RORA: variants seen among roughly 807,000 people sequenced by gnomAD.
The protein encoded by RORA is nuclear receptor ROR-alpha.
A neutral mutation model predicts 69.5 loss-of-function variants in RORA; 7 were observed. That is an observed-to-expected ratio of 0.10 (90% confidence interval 0.06 to 0.19). The LOEUF is 0.19. Among genes scored for constraint, RORA ranks in the 10% least tolerant of loss-of-function variants. The probability of loss-of-function intolerance (pLI) is 1.00; values close to 1 mark genes in which losing one functional copy is unlikely to be tolerated. For missense variants in RORA, 457 were observed against 663.0 expected (o/e 0.69, Z 3.41); for synonymous variants, 261 against 240.8 (o/e 1.08, Z -0.78).
intron 1 of RORA, among the ~76,000 whole-genome samples, chr15:60,697,886 C>G (rs568648378): frequency 6.6e-6 from 1 of 152,142 alleles, no homozygotes; most frequent in African/African-American, 2.4e-5. Context: ...CAGAGTTATA[C>G]CTCTCAGTCA....
At chr15:60,707,834 T>A (rs7180727) in intron 1 of RORA, among the ~76,000 whole-genome samples, 7 of 152,176 alleles carry the variant, frequency 4.6e-5, no homozygotes, top group Non-Finnish European at 1.0e-4. Flanking sequence ...TCCTCCAGCC[T>A]GGAATATCAC....
At chr15:60,814,688 T>A (rs1304175331) in intron 1 of RORA, among the ~76,000 whole-genome samples, 2 of 152,196 alleles carry the variant, frequency 1.3e-5, no homozygotes, top group Non-Finnish European at 2.9e-5. Context: ...GTGGCCTCTC[T>A]GTCCTTCCAT....
intron 1 of RORA, among the ~76,000 whole-genome samples, chr15:61,031,539 T>A (rs1456206536): frequency 6.6e-6 from 1 of 152,198 alleles, no homozygotes; most frequent in African/African-American, 2.4e-5. Context: ...TAGACATACA[T>A]GTATGAAGTA....
intron 1 of RORA, among the ~76,000 whole-genome samples, chr15:60,713,484 G>C (rs2071173143): frequency 6.6e-6 from 1 of 152,178 alleles, no homozygotes; most frequent in Non-Finnish European, 1.5e-5. Flanking sequence ...TTGTGAAACT[G>C]AGACTGAACA....
At chr15:60,964,336 T>C (rs1893491606) in intron 1 of RORA, among the ~76,000 whole-genome samples, 1 of 152,140 alleles carries the variant, frequency 6.6e-6, no homozygotes, top group African/African-American at 2.4e-5. Context: ...GAAGCAGAGA[T>C]CCCAGTTTGA....
At chr15:60,517,957 C>A (rs1166846524) in intron 3 of RORA, among the ~76,000 whole-genome samples, 1 of 152,172 alleles carries the variant, frequency 6.6e-6, no homozygotes, top group East Asian at 1.9e-4. Flanking sequence ...GCATCTGTCA[C>A]CTTTCTTTCT....
intron 2 of RORA, among the ~76,000 whole-genome samples, chr15:60,658,747 G>T (rs1411248905): frequency 6.6e-6 from 1 of 152,224 alleles, no homozygotes; most frequent in Non-Finnish European, 1.5e-5. Context: ...AGGTAAGTCT[G>T]TGCTTAAAGA....
chr15:60,816,630 T>A (rs990041744), intron 1 of RORA, among the ~76,000 whole-genome samples: 1 of 150,848 alleles, frequency 6.6e-6, no homozygotes, highest in African/African-American at 2.4e-5. Context: ...ATATTTTATA[T>A]GTTAAATGAT....
intron 2 of RORA, chr15:60,592,308 A>G (rs922678400): frequency 3.5e-5 from 36 of 1,031,276 alleles, no homozygotes; most frequent in Non-Finnish European, 4.3e-5. Flanking sequence ...AGGCGCGCCC[A>G]CCCCTCCCCC....
At chr15:60,955,720 G>C (rs888706042) in intron 1 of RORA, among the ~76,000 whole-genome samples, 14 of 152,192 alleles carry the variant, frequency 9.2e-5, no homozygotes, top group African/African-American at 3.4e-4. Context: ...CTCTATTCAA[G>C]GTCACAGAGC....
intron 1 of RORA, among the ~76,000 whole-genome samples, chr15:61,064,756 T>C (rs1401599769): frequency 1.3e-5 from 2 of 152,094 alleles, no homozygotes; most frequent in Non-Finnish European, 2.9e-5. Flanking sequence ...TTGGGAAGCA[T>C]GAAAAGCTAC....
intron 1 of RORA, among the ~76,000 whole-genome samples, chr15:61,082,652 C>T (rs1035297804): frequency 1.3e-5 from 2 of 152,076 alleles, no homozygotes; most frequent in African/African-American, 2.4e-5. Flanking sequence ...CCATGAACAC[C>T]GAAAGATGGC....
chr15:60,772,353 C>T (rs1170580601), intron 1 of RORA, among the ~76,000 whole-genome samples: 1 of 152,150 alleles, frequency 6.6e-6, no homozygotes, highest in Non-Finnish European at 1.5e-5. Context: ...GATTCTCTTG[C>T]TAACCTAGGG....
intron 1 of RORA, among the ~76,000 whole-genome samples, chr15:60,900,231 A>T (rs1046915531): frequency 4.1e-5 from 6 of 144,882 alleles, no homozygotes; most frequent in African/African-American, 1.5e-4. Context: ...TGATTTAGTC[A>T]CATCATTAGG....
At chr15:60,913,040 G>T (rs1891774383) in intron 1 of RORA, among the ~76,000 whole-genome samples, 2 of 152,144 alleles carry the variant, frequency 1.3e-5, no homozygotes, top group South Asian at 2.1e-4. Flanking sequence ...GCTTTGAAAA[G>T]GTATCACTGC....
At chr15:60,841,929 G>T (rs1224690419) in intron 1 of RORA, among the ~76,000 whole-genome samples, 1 of 152,168 alleles carries the variant, frequency 6.6e-6, no homozygotes, top group Non-Finnish European at 1.5e-5. Flanking sequence ...GTGGGACCTG[G>T]GTCCAGTGAT....
intron 1 of RORA, among the ~76,000 whole-genome samples, chr15:60,883,824 G>T (rs1021272704): frequency 6.6e-5 from 10 of 152,192 alleles, no homozygotes; most frequent in African/African-American, 2.4e-4. Context: ...AAAGGGTGTT[G>T]AGTACTTGGA....
chr15:60,579,303 A>C (rs183177599), intron 2 of RORA, among the ~76,000 whole-genome samples: 33 of 152,238 alleles, frequency 2.2e-4, no homozygotes, highest in African/African-American at 7.9e-4. Context: ...GGGGCCCCGC[A>C]GGGGGTCCCT....
Position 61,116,158 on chromosome 15 carries a change from A to C in RORA, c.166+112895T>G, listed in dbSNP as rs78749094. Reference sequence around the variant, plus strand: ...GAGGGGCAAGATGAATTGGGACAGCAGGGAGACTAGCTATGAAAATGGAGT... The same window carrying C: ...GAGGGGCAAGATGAATTGGGACAGCCGGGAGACTAGCTATGAAAATGGAGT... On this transcript the variant is annotated intron_variant, in intron 1 of 10. Transcript: ENST00000335670. Among the ~76,000 whole-genome samples, 7 of 152,250 alleles carry C rather than the reference A, an allele frequency of 4.6e-5. No individual in the cohort carries two copies. The East Asian group carries it at 1.4e-3, about 29-fold the overall frequency.
Sources: allele counts gnomAD v4.1 joint callset (sites outside exome capture counted in the v4.1 genomes callset), GRCh38; gene constraint gnomAD v4.1.1; transcripts MANE v1.5; gene names NCBI Gene and HGNC (gene_info 2026-07-23, HGNC 2026-07-21).